Variants in PKNOX2 observed in about 807,000 individuals in gnomAD.
PKNOX2 encodes PBX/knotted 1 homeobox 2, also known as homeobox protein PKNOX2.
A neutral mutation model predicts 53.1 loss-of-function variants in PKNOX2; 14 were observed. That is an observed-to-expected ratio of 0.26 (90% CI 0.17 to 0.41). PKNOX2 has a LOEUF of 0.41. Among genes scored for constraint, PKNOX2 ranks in the 10% least tolerant of loss-of-function variants. PKNOX2 has a pLI of 1.00. For missense variants in PKNOX2, 496 were observed against 602.8 expected (o/e 0.82, Z 1.85); for synonymous variants, 257 against 242.8 (o/e 1.06, Z -0.54).
chr11:125,416,350 C>T (rs1014511732), intron 10 of PKNOX2, among the ~76,000 whole-genome samples: 2 of 146,760 alleles, frequency 1.4e-5, no homozygotes, highest in East Asian at 2.0e-4. Context: ...ACAACTTTGA[C>T]GTTTGGGAAC....
chr11:125,300,255 A>AC (rs1947954383), intron 2 of PKNOX2, among the ~76,000 whole-genome samples: 1 of 151,676 alleles, frequency 6.6e-6, no homozygotes. Context: ...CTCTGTTTTG[A>AC]CCCCTCCCTA....
chr11:125,365,770 C>T (rs1195996437), intron 4 of PKNOX2, among the ~76,000 whole-genome samples: 1 of 152,212 alleles, frequency 6.6e-6, no homozygotes, highest in African/African-American at 2.4e-5. Flanking sequence ...CTGCATCTCT[C>T]CACATTTTCT....
At chr11:125,285,787 A>G (rs186179511) in intron 2 of PKNOX2, among the ~76,000 whole-genome samples, 16 of 152,362 alleles carry the variant, frequency 1.1e-4, no homozygotes, top group African/African-American at 3.8e-4. Context: ...GCATTAAATA[A>G]ATTCTATTAA....
At chr11:125,343,664 G>A (rs545112016) in intron 3 of PKNOX2, among the ~76,000 whole-genome samples, 1 of 152,320 alleles carries the variant, frequency 6.6e-6, no homozygotes, top group East Asian at 1.9e-4. Flanking sequence ...TGCTGTTTCA[G>A]TTTGTAAAAT....
At chr11:125,178,531 A>G (rs564147275) in intron 1 of PKNOX2, among the ~76,000 whole-genome samples, 2 of 146,250 alleles carry the variant, frequency 1.4e-5, no homozygotes, top group South Asian at 4.4e-4. Flanking sequence ...AAGAAGAAAG[A>G]AAGAAAGGGA....
At chr11:125,172,336 T>C (rs1409754208) in intron 1 of PKNOX2, among the ~76,000 whole-genome samples, 1 of 152,100 alleles carries the variant, frequency 6.6e-6, no homozygotes, top group African/African-American at 2.4e-5. Context: ...GACCAATGAG[T>C]TGGTGCATGA....
At chr11:125,330,968 C>T (rs567526549) in intron 2 of PKNOX2, among the ~76,000 whole-genome samples, 6 of 152,278 alleles carry the variant, frequency 3.9e-5, no homozygotes, top group Admixed American at 1.3e-4. Flanking sequence ...GCGGTTCTCC[C>T]GATGCTGCTC....
chr11:125,388,478 A>G (rs1339487382), intron 6 of PKNOX2, among the ~76,000 whole-genome samples: 1 of 152,118 alleles, frequency 6.6e-6, no homozygotes, highest in Non-Finnish European at 1.5e-5. Context: ...TATTTCTTAT[A>G]TATATGTGTG....
intron 1 of PKNOX2, among the ~76,000 whole-genome samples, chr11:125,178,565 CGAA>C: frequency 1.7e-5 from 1 of 60,366 alleles, no homozygotes; most frequent in South Asian, 6.6e-4. Context: ...AAGGAAGGAA[CGAA>C]GGAAGGAAGG....
chr11:125,235,519 C>T (rs1242202330), intron 2 of PKNOX2, among the ~76,000 whole-genome samples: 1 of 152,186 alleles, frequency 6.6e-6, no homozygotes, highest in Non-Finnish European at 1.5e-5. Flanking sequence ...CCTGCACTTG[C>T]TTTTACATCT....
At chr11:125,395,528 C>T (rs1008065324) in intron 6 of PKNOX2, among the ~76,000 whole-genome samples, 5 of 152,204 alleles carry the variant, frequency 3.3e-5, no homozygotes, top group African/African-American at 1.2e-4. Context: ...TACCATTTTA[C>T]ACTCTTAACA....
intron 6 of PKNOX2, among the ~76,000 whole-genome samples, chr11:125,390,348 G>A (rs144531562): frequency 2.4e-4 from 37 of 152,274 alleles, no homozygotes; most frequent in African/African-American, 7.2e-4. Flanking sequence ...TGCAAGACTC[G>A]CGCTCCAGTG....
In PKNOX2 at chr11:125,390,173, G is replaced by A. The variant is rs1040694300; in HGVS notation, c.399+4451G>A. ...ATTTATAGAGCACTTACCAGGTGCC[G>A]GGTACCGTTCCAACTGTTTTACATA... On this transcript the variant is annotated intron_variant, in intron 6 of 12. Transcript: ENST00000298282. 2.0e-4 allele frequency among the ~76,000 whole-genome samples: 30 copies of A among 152,290 alleles called. 1 individual carries two copies. Among genetic ancestry groups the A allele is most frequent in the Admixed American group, 1.6e-3 (25 of 15,300 alleles).
intron 2 of PKNOX2, among the ~76,000 whole-genome samples, chr11:125,267,217 T>C (rs1440386884): frequency 2.6e-5 from 4 of 152,218 alleles, no homozygotes; most frequent in African/African-American, 7.2e-5. Context: ...TTGGTCAAGC[T>C]GGAACGACAG....
At chr11:125,400,278 C>A (rs1038301397) in intron 7 of PKNOX2, among the ~76,000 whole-genome samples, 19 of 152,180 alleles carry the variant, frequency 1.2e-4, no homozygotes, top group African/African-American at 4.1e-4. Context: ...ACTGCCACCA[C>A]CTGCTTTGTT....
intron 4 of PKNOX2, among the ~76,000 whole-genome samples, chr11:125,356,675 A>G (rs1951635676): frequency 6.6e-6 from 1 of 152,242 alleles, no homozygotes; most frequent in Admixed American, 6.5e-5. Context: ...TGAGGAAGCC[A>G]GACCTGTCTC....
rs941011341 is a variant in PKNOX2 at position 125,240,507 on chromosome 11, T to C, written c.-130+5392T>C. Among the ~76,000 whole-genome samples the C allele has an allele frequency of 6.6e-6, 1 of 152,114 alleles. No individual in the cohort carries two copies. The highest frequency in any genetic ancestry group is 2.4e-5 in the African/African-American group (1 of 41,420). ...AAGAGGTGGAAAGGGAGAGAGACCC[T>C]TTCCCGCTGCAAGCAGGGCAAGAGG... On this transcript the variant is annotated intron_variant, in intron 2 of 12. Coordinates refer to ENST00000298282, the MANE Select transcript of PKNOX2 (RefSeq NM_001382323.2). The surrounding 1 kb of genome is among the most constrained non-coding windows in gnomAD (Gnocchi z 4.3).
chr11:125,290,804 C>T (rs1947257303), intron 2 of PKNOX2, among the ~76,000 whole-genome samples: 1 of 152,162 alleles, frequency 6.6e-6, no homozygotes. Context: ...CCTGTGGTAA[C>T]AGCCTTGAGA....
chr11:125,342,756 CAT>C (rs1828808990), intron 3 of PKNOX2, among the ~76,000 whole-genome samples: 1 of 147,154 alleles, frequency 6.8e-6, no homozygotes, highest in Non-Finnish European at 1.5e-5. Flanking sequence ...CGAGAGAGCA[CAT>C]GATAGTGTCT....
Sources: allele counts gnomAD v4.1 joint callset (sites outside exome capture counted in the v4.1 genomes callset), GRCh38; gene constraint gnomAD v4.1.1; non-coding constraint Gnocchi (gnomAD v3.1); transcripts MANE v1.5; gene names NCBI Gene and HGNC (gene_info 2026-07-23, HGNC 2026-07-21).